ATP4B: variants seen among roughly 807,000 people sequenced by gnomAD.
The protein encoded by ATP4B is ATPase H+/K+ transporting subunit beta.
A neutral mutation model predicts 35.3 loss-of-function variants in ATP4B; 27 were observed. The ratio of observed to expected loss-of-function variants is 0.76; its 90% confidence interval spans 0.56 to 1.05. The LOEUF (loss-of-function observed/expected upper bound fraction) is 1.05. ATP4B is among the 50% of genes least tolerant of loss of function. ATP4B has a pLI of 0.00. For synonymous variants in ATP4B, 162 were observed against 156.0 expected (o/e 1.04, Z -0.29); for missense variants, 375 against 384.8 (o/e 0.97, Z 0.21).
intron 2 of ATP4B, among the ~76,000 whole-genome samples, chr13:113,653,953 C>T (rs2049734058): frequency 6.6e-6 from 1 of 152,234 alleles, no homozygotes; most frequent in Admixed American, 6.5e-5. Context: ...TGTGGAAACA[C>T]AGATGCAGAA....
chr13:113,654,736 C>T (rs2049739779), intron 2 of ATP4B, 78 bp downstream of exon 2: 14 of 1,522,162 alleles, frequency 9.2e-6, no homozygotes, highest in Non-Finnish European at 4.4e-6. Flanking sequence ...GGGCACGGGT[C>T]CCCCGGGCGT....
Position 113,649,351 on chromosome 13 carries a change from C to G in ATP4B, c.*23G>C. ...TCCTTGAGCGACCCCGCAGGCGTGC[C>G]CAGGACCCCTGCGCAAACCGTTTCA... is the stretch of plus-strand genomic sequence containing the variant. On this transcript the variant is annotated 3_prime_UTR_variant, in exon 7 of 7. Transcript: ENST00000335288. The surrounding 1 kb of genome is among the most constrained non-coding windows in gnomAD (Gnocchi z 4.7). 6.3e-7 allele frequency: 1 copy of G among 1,582,624 alleles called. No homozygotes were observed. Among genetic ancestry groups the G allele is most frequent in the Non-Finnish European group, 8.6e-7 (1 of 1,163,034 alleles).
Position 113,649,437 on chromosome 13 carries a change from G to A in ATP4B, c.813C>T (p.Thr271=), listed in dbSNP as rs1287473589. ...CATACGGGTCGTGGGGATTGTTGAA[G>A]GTCACGTGCTCCGCCATGACCTTGC... The part of the protein sequence containing the change: ...IVCKVMAEHV[T]FNNPHDPYEG... Residue 271 remains threonine (T), a synonymous_variant, in exon 7 of 7, where the codon ACC becomes ACT. Transcript: ENST00000335288. This position sits in a 1 kb window ranked among gnomAD's most constrained non-coding sequence, Gnocchi z 4.7. The A allele has an allele frequency of 2.5e-6, 4 of 1,582,870 alleles. No homozygotes were observed. Among genetic ancestry groups the A allele is most frequent in the African/African-American group, 1.3e-5 (1 of 74,348 alleles).
Position 113,653,992 on chromosome 13 carries a change from C to A in ATP4B, c.242-558G>T, listed in dbSNP as rs555305495. Among the ~76,000 whole-genome samples, 3 of 152,254 alleles carry A rather than the reference C, an allele frequency of 2.0e-5. No individual in the cohort carries two copies. In the East Asian group the frequency reaches 5.8e-4, roughly 29 times the overall value. ...TGTGTTTACTGCAGGTCCTTAGGAA[C>A]AGCCCGCCATCCACACACCACTGGC... On this transcript the variant is annotated intron_variant, in intron 2 of 6. Transcript: ENST00000335288.
intron 2 of ATP4B, 71 bp from the exon 3 acceptor site, chr13:113,653,505 G>A (rs1320584649): frequency 9.2e-6 from 13 of 1,418,746 alleles, no homozygotes; most frequent in Non-Finnish European, 1.3e-5. Context: ...TTCTGAAGTG[G>A]CTGAGGATAC....
chr13:113,654,976 T>C, intron 1 of ATP4B, 34 bp from the exon 2 acceptor site: 5 of 1,612,466 alleles, frequency 3.1e-6, no homozygotes, highest in Non-Finnish European at 4.2e-6. Flanking sequence ...ATTTACCACG[T>C]CAGCCATTTT....
At position 113,649,650 on chromosome 13, in the gene ATP4B, G is replaced by GT; in HGVS notation, c.715-116dup. On this transcript the variant is annotated intron_variant, in intron 6 of 6. Transcript: ENST00000335288. This position sits in a 1 kb window ranked among gnomAD's most constrained non-coding sequence, Gnocchi z 4.7. ...TGGTGCAGAGAAGCAGCTCTTTTGT[G>GT]TAAGACTGGCCCTGACCGAGTGCAT... The GT allele has an allele frequency of 8.0e-7, 1 of 1,243,148 alleles. No individual in the cohort carries two copies. Among genetic ancestry groups the GT allele is most frequent in the East Asian group, 2.8e-5 (1 of 35,690 alleles). 77.0% of individuals were successfully genotyped at this position (1,243,148 alleles called of 1,614,324 possible). A position where few individuals can be genotyped will look rare whatever the true frequency, so the allele number is the denominator to read the frequency against.
intron 3 of ATP4B, 86 bp downstream of exon 3, chr13:113,653,235 A>G (rs1594562458): frequency 7.4e-7 from 1 of 1,349,374 alleles, no homozygotes; most frequent in Non-Finnish European, 1.0e-6. Flanking sequence ...CACCTCACCC[A>G]CCCGCCGCTT....
At position 113,653,417 on chromosome 13, in the gene ATP4B, C is replaced by A; in HGVS notation, c.259G>T (p.Asp87Tyr). 1 of 1,614,240 alleles carries A rather than the reference C, an allele frequency of 6.2e-7. No homozygotes were observed. Among genetic ancestry groups the A allele is most frequent in the East Asian group, 2.2e-5 (1 of 44,890 alleles). Residue 87 changes from aspartate (D) to tyrosine (Y), a missense_variant, in exon 3 of 7, where the codon GAT becomes TAT. Asp to Tyr is a radical substitution (Grantham distance 160). Coordinates refer to ENST00000335288, the MANE Select transcript of ATP4B (RefSeq NM_000705.4). ...LRSPGVTLRP[D>Y]VYGEKGLEIV... The stretch of plus-strand genomic sequence containing the variant: ...TCCAGGCCTTTCTCCCCGTAAACAT[C>A]CGGCCTTAAGGTTACCCCTGGAGAG...
At chr13:113,657,762 C>T (rs1389203701) in intron 1 of ATP4B, among the ~76,000 whole-genome samples, 1 of 152,266 alleles carries the variant, frequency 6.6e-6, no homozygotes, top group Non-Finnish European at 1.5e-5. Context: ...CTCAGACATA[C>T]GGCTGACATT....
intron 4 of ATP4B, among the ~76,000 whole-genome samples, chr13:113,652,183 C>T (rs1031831413): frequency 6.6e-6 from 1 of 152,226 alleles, no homozygotes; most frequent in African/African-American, 2.4e-5. Flanking sequence ...CCATCCCCTG[C>T]TGTGCTCCGA....
chr13:113,649,592 G>T lies in ATP4B; in HGVS notation c.715-57C>A. On this transcript the variant is annotated intron_variant, in intron 6 of 6. Transcript: ENST00000335288. This position sits in a 1 kb window ranked among gnomAD's most constrained non-coding sequence, Gnocchi z 4.7. ...TCAAAAATCTCTGAAGTTAAGGAGA[G>T]AAAACTAAGCAAGGAAGTGTCAACA... The T allele has an allele frequency of 6.9e-7, 1 of 1,443,568 alleles. No individual in the cohort carries two copies. The highest frequency in any genetic ancestry group is 2.1e-4 in the Middle Eastern group (1 of 4,790). The allele number at this position is 1,443,568 out of a possible 1,614,324, so 89.4% of individuals were successfully genotyped here.
At chr13:113,654,792 G>A (rs2140704072) in intron 2 of ATP4B, 22 bp downstream of exon 2, 2 of 1,610,922 alleles carry the variant, frequency 1.2e-6, no homozygotes, top group African/African-American at 1.3e-5. Flanking sequence ...CACGGCATGG[G>A]GGCAACATCC....
intron 1 of ATP4B, among the ~76,000 whole-genome samples, chr13:113,657,537 G>A (rs759298668): frequency 1.3e-5 from 2 of 152,208 alleles, no homozygotes; most frequent in African/African-American, 4.8e-5. Context: ...CTCGCACAAG[G>A]CGCAGGTGCT....
At chr13:113,654,981 C>T in intron 1 of ATP4B, 39 bp from the exon 2 acceptor site, 1 of 1,611,536 alleles carries the variant, frequency 6.2e-7, no homozygotes, top group Non-Finnish European at 8.5e-7. Flanking sequence ...CCACGTCAGC[C>T]ATTTTAACGC....
intron 1 of ATP4B, among the ~76,000 whole-genome samples, chr13:113,656,308 G>A (rs1407721241): frequency 1.3e-5 from 2 of 152,164 alleles, no homozygotes; most frequent in African/African-American, 2.4e-5. Flanking sequence ...CTGTTCCCCC[G>A]CTGTGGGTCC....
At chr13:113,651,409 G>A (rs1594560857) in intron 5 of ATP4B, among the ~76,000 whole-genome samples, 1 of 152,254 alleles carries the variant, frequency 6.6e-6, no homozygotes, top group African/African-American at 2.4e-5. Flanking sequence ...GCCACCAGGC[G>A]TTTTGAAGCG....
chr13:113,658,112 G>A lies in ATP4B; in HGVS notation c.33C>T (p.Gly11=). Residue 11 remains glycine (G), a synonymous_variant, in exon 1 of 7, where the codon GGC becomes GGT. Transcript: ENST00000335288. MAALQEKKTC[G]QRMEEFQRYC... is the part of the protein sequence containing the mutation. The stretch of plus-strand genomic sequence containing the variant: ...AACGCTGGAACTCCTCCATGCGCTG[G>A]CCACACGTCTTCTTCTCCTGCAGAG... The A allele has an allele frequency of 6.2e-7, 1 of 1,612,862 alleles. No individual in the cohort carries two copies. Among genetic ancestry groups the A allele is most frequent in the Non-Finnish European group, 8.5e-7 (1 of 1,179,766 alleles).
In ATP4B at chr13:113,654,869, C is replaced by G; in HGVS notation, c.186G>C (p.Leu62=). ...GTGTGTACGGGTCCACTGTCTGCATCAGCACATAGAGGCACAGGGCGAAGA... is the reference window on the plus strand; with the variant it reads ...GTGTGTACGGGTCCACTGTCTGCATGAGCACATAGAGGCACAGGGCGAAGA... The part of the protein sequence containing the change: ...TGLFALCLYV[L]MQTVDPYTPD... Residue 62 remains leucine, a synonymous_variant, in exon 2 of 7, where the codon CTG becomes CTC. Coordinates refer to ENST00000335288, the MANE Select transcript of ATP4B (RefSeq NM_000705.4). 5.0e-6 allele frequency: 8 copies of G among 1,614,246 alleles called. No homozygotes were observed. The highest frequency in any genetic ancestry group is 6.8e-6 in the Non-Finnish European group (8 of 1,180,044).
Sources: allele counts gnomAD v4.1 joint callset (sites outside exome capture counted in the v4.1 genomes callset), GRCh38; gene constraint gnomAD v4.1.1; non-coding constraint Gnocchi (gnomAD v3.1); transcripts MANE v1.5; gene names NCBI Gene and HGNC (gene_info 2026-07-23, HGNC 2026-07-21).